The following NMT2 variants were observed in gnomAD, a reference collection of about 807,000 sequenced individuals.
The protein encoded by NMT2 is glycylpeptide N-tetradecanoyltransferase 2.
A neutral mutation model predicts 65.4 loss-of-function variants in NMT2; 35 were observed. The observed-to-expected ratio is 0.54, with a 90% CI of 0.41 to 0.71. NMT2 has a LOEUF of 0.71. Ranked by LOEUF, NMT2 falls within the 30% of genes least tolerant of loss-of-function variation. The pLI, the probability that NMT2 is intolerant of heterozygous loss-of-function variation, is 0.00. For synonymous variants in NMT2, 226 were observed against 231.8 expected (o/e 0.98, Z 0.23); for missense variants, 489 against 611.3 (o/e 0.80, Z 2.11).
intron 6 of NMT2, 140 bp from the exon 7 acceptor site, chr10:15,130,452 A>G (rs1383933835): frequency 4.5e-6 from 3 of 662,920 alleles, no homozygotes; most frequent in Admixed American, 3.5e-5. Flanking sequence ...GTCGCCTGTA[A>G]TCTCAGCACT....
chr10:15,164,654 A>G (rs1833316840), intron 1 of NMT2, among the ~76,000 whole-genome samples: 1 of 152,222 alleles, frequency 6.6e-6, no homozygotes, highest in African/African-American at 2.4e-5. Flanking sequence ...AGAAGAAAGT[A>G]ACAGAAGGCA....
At chr10:15,164,172 G>C (rs1175851726) in intron 1 of NMT2, among the ~76,000 whole-genome samples, 1 of 101,582 alleles carries the variant, frequency 9.8e-6, no homozygotes, top group African/African-American at 4.1e-5. Context: ...GACAGAGCGA[G>C]AATTGGTCTC....
intron 1 of NMT2, among the ~76,000 whole-genome samples, chr10:15,153,116 A>G (rs1233610360): frequency 6.6e-6 from 1 of 152,146 alleles, no homozygotes; most frequent in Non-Finnish European, 1.5e-5. Flanking sequence ...CTGAGTGGAA[A>G]GGACCCACAC....
chr10:15,115,071 C>A (rs1845701158), intron 9 of NMT2, among the ~76,000 whole-genome samples: 1 of 151,556 alleles, frequency 6.6e-6, no homozygotes, highest in South Asian at 2.1e-4. Flanking sequence ...CAAATGGAAA[C>A]CAAAAGAATG....
chr10:15,113,855 T>C (rs982141744), intron 9 of NMT2, among the ~76,000 whole-genome samples: 16 of 152,192 alleles, frequency 1.1e-4, no homozygotes, highest in African/African-American at 3.6e-4. Flanking sequence ...ATTCATTTCA[T>C]CATCACTGGC....
intron 7 of NMT2, among the ~76,000 whole-genome samples, chr10:15,128,910 C>G (rs1391818556): frequency 1.3e-5 from 2 of 152,116 alleles, no homozygotes; most frequent in Non-Finnish European, 2.9e-5. Flanking sequence ...GAGGCTGAGG[C>G]AGGAGAATCA....
At position 15,108,130 on chromosome 10, in the gene NMT2, G is replaced by T. The variant is rs758032086; in HGVS notation, c.*1065C>A. On this transcript the variant is annotated 3_prime_UTR_variant, in exon 12 of 12. Coordinates refer to ENST00000378165, the MANE Select transcript of NMT2 (RefSeq NM_004808.3). ...CATATATCCTTGATGTTGCTGAGAA[G>T]AAACTGAACTTTGCACAACAGCAGA... 34 of 984,232 alleles carry T rather than the reference G, an allele frequency of 3.5e-5. No homozygotes were observed. Among genetic ancestry groups the T allele is most frequent in the Non-Finnish European group, 4.0e-5 (33 of 829,792 alleles). The allele number at this position is 984,232 out of a possible 1,614,324, so 61.0% of individuals were successfully genotyped here.
intron 1 of NMT2, among the ~76,000 whole-genome samples, chr10:15,147,095 C>CAAAAAAAAAAAA (rs34668178): frequency 5.6e-4 from 25 of 44,514 alleles, no homozygotes; most frequent in East Asian, 1.1e-3. Context: ...CTCTCGCTCT[C>CAAAAAAAAAAAA]AAAAAAAAAA....
rs1320591695 is a variant in NMT2, at chr10:15,109,956, C to T, written c.1339-117G>A. On this transcript the variant is annotated intron_variant, in intron 10 of 11. Coordinates refer to ENST00000378165, the MANE Select transcript of NMT2 (RefSeq NM_004808.3). ...AATATGCATTTCTAATAGGATTTAA[C>T]GTCCGTGATATATAGCATAGGTTAA... The T allele has an allele frequency of 1.5e-5, 12 of 826,642 alleles. No individual in the cohort carries two copies. In the East Asian group the frequency reaches 1.9e-4, roughly 13 times the overall value. 51.2% of individuals were successfully genotyped at this position (826,642 alleles called of 1,614,324 possible). A position where few individuals can be genotyped will look rare whatever the true frequency, so the allele number is the denominator to read the frequency against.
In NMT2 at chr10:15,106,980, A is replaced by G. The variant is rs1254089342; in HGVS notation, c.*2215T>C. Among the ~76,000 whole-genome samples, 1 of 152,206 alleles carries G rather than the reference A, an allele frequency of 6.6e-6. No individual in the cohort carries two copies. The highest frequency in any genetic ancestry group is 1.5e-5 in the Non-Finnish European group (1 of 68,038). On this transcript the variant is annotated 3_prime_UTR_variant, in exon 12 of 12. Coordinates refer to ENST00000378165, the MANE Select transcript of NMT2 (RefSeq NM_004808.3). The stretch of plus-strand genomic sequence containing the variant: ...GCCAGGCGTGGTGGTATGCACGCCC[A>G]GCTAGTTCTTTTTCTTCAAAAAGAC...
intron 9 of NMT2, 91 bp from the exon 10 acceptor site, chr10:15,113,054 G>C: frequency 7.5e-7 from 1 of 1,338,542 alleles, no homozygotes; most frequent in Non-Finnish European, 1.1e-6. Context: ...TTGCCCCAGA[G>C]AACGAAAAGC....
intron 1 of NMT2, among the ~76,000 whole-genome samples, chr10:15,142,105 G>C (rs1207497652): frequency 6.6e-6 from 1 of 152,152 alleles, no homozygotes; most frequent in Non-Finnish European, 1.5e-5. Flanking sequence ...AAAACACAAA[G>C]TGCTAGTTTT....
intron 6 of NMT2, 85 bp downstream of exon 6, chr10:15,132,732 T>G: frequency 1.0e-6 from 1 of 1,000,742 alleles, no homozygotes; most frequent in Non-Finnish European, 1.5e-6. Flanking sequence ...TTGGCCTGCA[T>G]TCAGTAACTT....
At chr10:15,168,438 C>A (rs926783497) in intron 1 of NMT2, 65 bp downstream of exon 1, 23 of 1,241,712 alleles carry the variant, frequency 1.9e-5, no homozygotes, top group Non-Finnish European at 2.5e-5. Context: ...CACCCCCGAA[C>A]GGGAGACCGT....
chr10:15,135,404 T>C lies in NMT2; in HGVS notation c.261A>G (p.Pro87=), dbSNP rs1234112844. ...TCTGGATATCCTGCAACTTCTGCAT[T>C]GGAACACTGGGATTCTACGACAGCA... is the stretch of plus-strand genomic sequence containing the variant. ...IQQPSKNPSV[P]MQKLQDIQRA... The change falls in exon 3 of 12, where the codon CCA becomes CCG. Residue 87 remains proline, a synonymous_variant. Coordinates refer to ENST00000378165, the MANE Select transcript of NMT2 (RefSeq NM_004808.3). 1.2e-6 allele frequency: 2 copies of C among 1,613,962 alleles called. No individual in the cohort carries two copies. The highest frequency in any genetic ancestry group is 2.7e-5 in the African/African-American group (2 of 74,906).
At position 15,108,475 on chromosome 10, in the gene NMT2, A is replaced by G. The variant is rs6602813; in HGVS notation, c.*720T>C. ...GCTGGGATTACAGGCGTGAGCCACC[A>G]CGCCCGGCCTCAGGCTCTTTCAGAG... is the stretch of plus-strand genomic sequence containing the variant. On this transcript the variant is annotated 3_prime_UTR_variant, in exon 12 of 12. Coordinates refer to ENST00000378165, the MANE Select transcript of NMT2 (RefSeq NM_004808.3). The G allele has an allele frequency of 4.6e-4, 453 of 985,024 alleles. 1 individual carries two copies. The highest frequency in any genetic ancestry group is 1.6e-3 in the Middle Eastern group (3 of 1,914). The allele number at this position is 985,024 out of a possible 1,614,324, so 61.0% of individuals were successfully genotyped here. A position where few individuals can be genotyped will look rare whatever the true frequency, so the allele number is the denominator to read the frequency against.
chr10:15,110,533 G>A (rs1272829157), intron 10 of NMT2, among the ~76,000 whole-genome samples: 2 of 152,176 alleles, frequency 1.3e-5, no homozygotes, highest in African/African-American at 4.8e-5. Context: ...CAGCTACACA[G>A]GAGGCTGAGG....
chr10:15,149,988 TTTTA>T (rs2131600454), intron 1 of NMT2, among the ~76,000 whole-genome samples: 1 of 152,348 alleles, frequency 6.6e-6, no homozygotes, highest in East Asian at 1.9e-4. Flanking sequence ...TATTCACCTA[TTTTA>T]TGGAATTGTA....
At chr10:15,146,133 A>T (rs183671112) in intron 1 of NMT2, among the ~76,000 whole-genome samples, 3 of 152,304 alleles carry the variant, frequency 2.0e-5, no homozygotes, top group Admixed American at 2.0e-4. Flanking sequence ...TTCACTTGAA[A>T]GGTCCACAAA....
Sources: gnomAD v4.1 joint callset for allele counts (sites outside exome capture counted in the v4.1 genomes callset) on GRCh38, gnomAD v4.1.1 for gene constraint, MANE v1.5 for transcripts, NCBI Gene and HGNC (gene_info 2026-07-23, HGNC 2026-07-21) for gene names.